Variants in TENM2 observed in about 807,000 individuals in gnomAD.
TENM2 encodes the protein teneurin-2.
A neutral mutation model predicts 245.2 loss-of-function variants in TENM2; 52 were observed. The ratio of observed to expected loss-of-function variants is 0.21; its 90% confidence interval spans 0.17 to 0.27. The LOEUF (loss-of-function observed/expected upper bound fraction) is 0.27. Among genes scored for constraint, TENM2 ranks in the 10% least tolerant of loss-of-function variants. TENM2 has a pLI of 1.00. For synonymous variants in TENM2, 1,363 were observed against 1,438.9 expected, an observed-to-expected ratio of 0.95 and a Z score of 1.19; for missense variants, 3,046 against 3,666.8, an observed-to-expected ratio of 0.83 and a Z score of 4.37.
chr5:168,232,332 T>A (rs1238508698), intron 25 of TENM2: 1 of 152,198 alleles, frequency 6.6e-6, no homozygotes, highest in Admixed American at 6.5e-5. Context: ...CATGATCATG[T>A]AAACTGGGAA....
intron 2 of TENM2, among the ~76,000 whole-genome samples, chr5:167,764,395 T>G (rs1762868487): frequency 6.6e-6 from 1 of 152,196 alleles, no homozygotes; most frequent in South Asian, 2.1e-4. Context: ...CTTAGCAATT[T>G]AATTTAAATT....
the TENM2 span, among the ~76,000 whole-genome samples, chr5:167,142,730 TTAG>T: frequency 6.6e-6 from 1 of 152,154 alleles, no homozygotes. Context: ...TTTTGTATTT[TTAG>T]TAGAGACGGG....
At chr5:167,472,585 G>C (rs1211201294) in intron 2 of TENM2, among the ~76,000 whole-genome samples, 1 of 152,130 alleles carries the variant, frequency 6.6e-6, no homozygotes, top group Non-Finnish European at 1.5e-5. Context: ...GGTTGCCTTA[G>C]AGTGACCGGG....
intron 2 of TENM2, among the ~76,000 whole-genome samples, chr5:167,390,163 G>A (rs1231358894): frequency 1.3e-5 from 2 of 152,218 alleles, no homozygotes; most frequent in Admixed American, 1.3e-4. Context: ...AACACCAAAT[G>A]TATTTACGGA....
chr5:167,796,881 C>T (rs558968486), intron 2 of TENM2, among the ~76,000 whole-genome samples: 102 of 152,028 alleles, frequency 6.7e-4, no homozygotes, highest in Middle Eastern at 6.8e-3. Flanking sequence ...CCTGATGCAG[C>T]GTGAGTCAGG....
intron 7 of TENM2, among the ~76,000 whole-genome samples, chr5:168,083,140 C>A (rs1208522454): frequency 6.6e-6 from 1 of 152,210 alleles, no homozygotes; most frequent in Non-Finnish European, 1.5e-5. Context: ...CCTGCTCAAG[C>A]CTCAGCAATG....
chr5:168,078,034 G>A (rs566680449), intron 7 of TENM2, among the ~76,000 whole-genome samples: 45 of 152,134 alleles, frequency 3.0e-4, no homozygotes, highest in African/African-American at 8.0e-4. Context: ...ACTAGTTTAC[G>A]CTCCCACAAA....
At chr5:167,769,745 A>C (rs1763278229) in intron 2 of TENM2, among the ~76,000 whole-genome samples, 1 of 152,160 alleles carries the variant, frequency 6.6e-6, no homozygotes, top group African/African-American at 2.4e-5. Flanking sequence ...TAGTCACTGG[A>C]CTTGCAGAGA....
the TENM2 span, among the ~76,000 whole-genome samples, chr5:167,264,895 A>C: frequency 6.6e-6 from 1 of 152,202 alleles, no homozygotes; most frequent in Non-Finnish European, 1.5e-5. Context: ...CCCAAGATAC[A>C]TGCAGGGTCA....
At chr5:167,534,256 A>G (rs1183413567) in intron 2 of TENM2, among the ~76,000 whole-genome samples, 3 of 152,164 alleles carry the variant, frequency 2.0e-5, no homozygotes. Context: ...TGGGTAGAGG[A>G]AAAAATAAAA....
chr5:167,888,673 GA>G (rs986216836), intron 3 of TENM2, among the ~76,000 whole-genome samples: 60 of 152,150 alleles, frequency 3.9e-4, no homozygotes, highest in Admixed American at 3.5e-3. Context: ...GTTAAACATA[GA>G]AAAACTGTTT....
intron 3 of TENM2, among the ~76,000 whole-genome samples, chr5:167,937,091 A>T (rs2151742715): frequency 6.6e-6 from 1 of 152,350 alleles, no homozygotes; most frequent in Non-Finnish European, 1.5e-5. Flanking sequence ...GCTACTTAAC[A>T]TATTCATTAC....
exon 2 of TENM2, chr5:167,375,303 C>A (rs1561905403): frequency 2.5e-5 from 39 of 1,551,736 alleles, no homozygotes; most frequent in Non-Finnish European, 3.1e-5. Flanking sequence ...TCCCTTAGCA[C>A]AGGGTCTGAC....
intron 25 of TENM2, among the ~76,000 whole-genome samples, chr5:168,230,343 A>C (rs971912313): frequency 2.6e-5 from 4 of 152,256 alleles, no homozygotes; most frequent in African/African-American, 7.2e-5. Context: ...TTTGAAAATG[A>C]GGGAGAAAGC....
At chr5:167,634,765 C>T (rs915548498) in intron 2 of TENM2, among the ~76,000 whole-genome samples, 1 of 152,044 alleles carries the variant, frequency 6.6e-6, no homozygotes, top group African/African-American at 2.4e-5. Context: ...AACCTTCAGT[C>T]TACCCAGAGC....
intron 3 of TENM2, among the ~76,000 whole-genome samples, chr5:167,904,549 G>A (rs761602253): frequency 2.6e-5 from 4 of 151,940 alleles, no homozygotes; most frequent in Admixed American, 6.6e-5. Flanking sequence ...GATACTGATC[G>A]AGCTTGCATG....
chr5:167,249,211 A>G, the TENM2 span, among the ~76,000 whole-genome samples: 15,285 of 152,230 alleles, frequency 0.1, 1,031 homozygotes, highest in East Asian at 0.21. Flanking sequence ...GTCATGTTCA[A>G]ATTGAAACAT....
chr5:168,136,899 C>T (rs1214081015), intron 12 of TENM2, among the ~76,000 whole-genome samples: 1 of 152,214 alleles, frequency 6.6e-6, no homozygotes, highest in African/African-American at 2.4e-5. Flanking sequence ...GCCAGCTCAA[C>T]TGCAAATGCA....
the TENM2 span, among the ~76,000 whole-genome samples, chr5:167,276,176 C>T: frequency 6.6e-6 from 1 of 151,800 alleles, no homozygotes; most frequent in Non-Finnish European, 1.5e-5. Flanking sequence ...TTCTTTTGCT[C>T]TTTCTTTTTG....
Sources: allele counts gnomAD v4.1 joint callset (sites outside exome capture counted in the v4.1 genomes callset), GRCh38; gene constraint gnomAD v4.1.1; transcripts MANE v1.5; gene names NCBI Gene and HGNC (gene_info 2026-07-23, HGNC 2026-07-21).